The following COL21A1 variants were observed in gnomAD, a reference collection of about 807,000 sequenced individuals.
COL21A1 encodes collagen type XXI alpha 1 chain.
COL21A1 carries 149 observed loss-of-function variants against 137.9 expected under a neutral mutation model. That is an observed-to-expected ratio of 1.08 (90% CI 0.95 to 1.24). COL21A1 has a LOEUF of 1.24. Among genes scored for constraint, COL21A1 ranks in the 50% most tolerant of loss-of-function variants. The pLI, the probability that COL21A1 is intolerant of heterozygous loss-of-function variation, is 0.00. For synonymous variants in COL21A1, 456 were observed against 391.5 expected, an observed-to-expected ratio of 1.16 and a Z score of -1.95; for missense variants, 1,167 against 1,158.4, an observed-to-expected ratio of 1.01 and a Z score of -0.11.
chr6:56,095,371 C>T (rs12205653), intron 17 of COL21A1, among the ~76,000 whole-genome samples: 22,539 of 152,030 alleles, frequency 0.15, 1,701 homozygotes, highest in Middle Eastern at 0.22. Context: ...CCTGCTAGTA[C>T]CTGTTTAGTT....
intron 18 of COL21A1, among the ~76,000 whole-genome samples, chr6:56,076,422 A>T (rs1767249393): frequency 6.6e-6 from 1 of 151,572 alleles, no homozygotes; most frequent in African/African-American, 2.4e-5. Context: ...TTAACTGCAG[A>T]TATTAGAATT....
intron 1 of COL21A1, among the ~76,000 whole-genome samples, chr6:56,263,623 G>T (rs373280330): frequency 1.3e-5 from 2 of 152,272 alleles, no homozygotes; most frequent in African/African-American, 4.8e-5. Flanking sequence ...GAAGCTAAGC[G>T]CATGTCCCCA....
At chr6:56,321,273 T>G (rs1764860320) in intron 1 of COL21A1, among the ~76,000 whole-genome samples, 1 of 152,168 alleles carries the variant, frequency 6.6e-6, no homozygotes, top group Admixed American at 6.6e-5. Context: ...AGAGATAGTA[T>G]CTGCCTCCCA....
At chr6:56,283,697 C>T (rs1303684251) in intron 1 of COL21A1, among the ~76,000 whole-genome samples, 1 of 152,024 alleles carries the variant, frequency 6.6e-6, no homozygotes, top group African/African-American at 2.4e-5. Context: ...GAAAGAAAAC[C>T]GTGTGCAAAC....
chr6:56,125,953 CTAATA>C, intron 13 of COL21A1, 138 bp downstream of exon 13: 1 of 537,100 alleles, frequency 1.9e-6, no homozygotes, highest in South Asian at 3.3e-5. Context: ...TTTATATAAA[CTAATA>C]TTAATCTTAG....
intron 1 of COL21A1, among the ~76,000 whole-genome samples, chr6:56,255,139 C>T (rs571186962): frequency 6.1e-4 from 93 of 152,174 alleles, no homozygotes; most frequent in Non-Finnish European, 1.1e-3. Context: ...ATGGCTCTTT[C>T]CAGCTCTAAT....
At chr6:56,274,832 T>A (rs544980995) in intron 1 of COL21A1, among the ~76,000 whole-genome samples, 1 of 151,888 alleles carries the variant, frequency 6.6e-6, no homozygotes, top group Non-Finnish European at 1.5e-5. Flanking sequence ...TTCCTATCTA[T>A]GTCATTTTTC....
At chr6:56,236,085 G>A (rs1781878607) in intron 1 of COL21A1, among the ~76,000 whole-genome samples, 1 of 151,936 alleles carries the variant, frequency 6.6e-6, no homozygotes, top group Admixed American at 6.6e-5. Flanking sequence ...TTTCTATTAA[G>A]CAACCAATGG....
chr6:56,270,099 C>A (rs373777348), intron 1 of COL21A1, among the ~76,000 whole-genome samples: 2 of 152,238 alleles, frequency 1.3e-5, no homozygotes, highest in African/African-American at 4.8e-5. Flanking sequence ...CTTAATGTCC[C>A]TGCCCCACTT....
chr6:56,302,363 A>T (rs989813793), intron 1 of COL21A1, among the ~76,000 whole-genome samples: 170 of 152,114 alleles, frequency 1.1e-3, no homozygotes, highest in African/African-American at 3.8e-3. Flanking sequence ...AAAGTGTTCC[A>T]ATTTCTCCAC....
chr6:56,391,992 C>A (rs2094030558), intron 1 of COL21A1, among the ~76,000 whole-genome samples: 1 of 152,110 alleles, frequency 6.6e-6, no homozygotes, highest in Admixed American at 6.5e-5. Context: ...GGGAATACTT[C>A]CAAATTTGTT....
intron 17 of COL21A1, among the ~76,000 whole-genome samples, chr6:56,083,262 A>AT (rs896014942): frequency 3.3e-4 from 50 of 151,960 alleles, no homozygotes; most frequent in African/African-American, 1.2e-3. Flanking sequence ...CAAGGTAGCC[A>AT]TTTTCTTACT....
intron 12 of COL21A1, among the ~76,000 whole-genome samples, chr6:56,128,743 C>A (rs1450404675): frequency 6.6e-6 from 1 of 152,162 alleles, no homozygotes; most frequent in African/African-American, 2.4e-5. Flanking sequence ...CAACCTCTGC[C>A]CCCCAGGCTC....
rs115675362 is a variant in COL21A1 at position 56,324,278 on chromosome 6, T to G, written c.-39+69693A>C. Reference sequence around the variant, plus strand: ...GCATAACATGGCACAGGGACTCAGATAGAAACTTGCAGAGCAAGCCTTTCC... The same window carrying G: ...GCATAACATGGCACAGGGACTCAGAGAGAAACTTGCAGAGCAAGCCTTTCC... On this transcript the variant is annotated intron_variant, in intron 1 of 28. Coordinates refer to the COL21A1 transcript ENST00000370819. 4.6e-5 allele frequency among the ~76,000 whole-genome samples: 7 copies of G among 152,236 alleles called. No individual in the cohort carries two copies. The South Asian group carries it at 6.2e-4, about 14-fold the overall frequency.
intron 1 of COL21A1, among the ~76,000 whole-genome samples, chr6:56,272,802 G>A (rs1426785771): frequency 6.6e-6 from 1 of 152,090 alleles, no homozygotes; most frequent in Non-Finnish European, 1.5e-5. Context: ...TGTGATGAAG[G>A]TACTTGCTTC....
chr6:56,310,362 A>G (rs953094730), intron 1 of COL21A1, among the ~76,000 whole-genome samples: 2 of 152,184 alleles, frequency 1.3e-5, no homozygotes, highest in Non-Finnish European at 2.9e-5. Context: ...TTTTAAAAAC[A>G]CTAATGCCAA....
chr6:56,188,217 G>GTA (rs2152287651), intron 1 of COL21A1, among the ~76,000 whole-genome samples: 1 of 152,284 alleles, frequency 6.6e-6, no homozygotes, highest in South Asian at 2.1e-4. Flanking sequence ...TCACTTTAGA[G>GTA]AACTGTTAGG....
chr6:56,392,853 C>T (rs2094032393), intron 1 of COL21A1, among the ~76,000 whole-genome samples: 1 of 151,734 alleles, frequency 6.6e-6, no homozygotes, highest in Non-Finnish European at 1.5e-5. Context: ...AGAGGACACA[C>T]AAAAAATGGA....
chr6:56,353,058 A>G (rs775798098), intron 1 of COL21A1, among the ~76,000 whole-genome samples: 3 of 152,160 alleles, frequency 2.0e-5, no homozygotes, highest in Non-Finnish European at 4.4e-5. Context: ...AAAAAGAAGA[A>G]GAAAAGATCT....
Sources: gnomAD v4.1 joint callset for allele counts (sites outside exome capture counted in the v4.1 genomes callset) on GRCh38, gnomAD v4.1.1 for gene constraint, MANE v1.5 for transcripts, NCBI Gene and HGNC (gene_info 2026-07-23, HGNC 2026-07-21) for gene names.